ACVR1C: variants seen among roughly 807,000 people sequenced by gnomAD.
The protein encoded by ACVR1C is activin A receptor type 1C.
In ACVR1C, 23 loss-of-function variants were observed where a neutral mutation model predicts 57.9. The ratio of observed to expected loss-of-function variants is 0.40; its 90% CI spans 0.29 to 0.56. ACVR1C has a LOEUF of 0.56. ACVR1C is among the 20% of genes least tolerant of loss of function. The pLI is 0.50. For missense variants in ACVR1C, 480 were observed against 607.9 expected (o/e 0.79, Z 2.21); for synonymous variants, 214 against 215.3 (o/e 0.99, Z 0.05).
At position 157,577,815 on chromosome 2, in the gene ACVR1C, C is replaced by G. The variant is rs892428763; in HGVS notation, c.304+9372G>C. ...TCTTTGTCACATCTTCTGTGTGCTT[C>G]CTTTTCTCTCTTTTCTTGGCTTCTT... On this transcript the variant is annotated intron_variant, in intron 2 of 8. Transcript: ENST00000243349. Among the ~76,000 whole-genome samples, 3 of 151,912 alleles carry G rather than the reference C, an allele frequency of 2.0e-5. No individual in the cohort carries two copies. In the South Asian group the frequency reaches 6.2e-4, roughly 31 times the overall value.
In ACVR1C at chr2:157,628,711, GC is replaced by G. The variant is rs1682963185; in HGVS notation, c.-68del. Reference sequence around the variant, plus strand: ...AGAGCGAGGCAGCCGGGGCAGCACGGCCCGCTTTGAAGTTCCCGGGCCGCGG... The same window carrying G: ...AGAGCGAGGCAGCCGGGGCAGCACGGCCGCTTTGAAGTTCCCGGGCCGCGG... On this transcript the variant is annotated 5_prime_UTR_variant, in exon 1 of 9. Transcript: ENST00000243349. 1 of 1,378,142 alleles carries G rather than the reference GC, an allele frequency of 7.3e-7. No homozygotes were observed. Among genetic ancestry groups the G allele is most frequent in the African/African-American group, 1.5e-5 (1 of 65,278 alleles). 85.4% of individuals were successfully genotyped at this position (1,378,142 alleles called of 1,614,324 possible).
At chr2:157,576,587 T>C (rs917120455) in intron 2 of ACVR1C, among the ~76,000 whole-genome samples, 1 of 152,208 alleles carries the variant, frequency 6.6e-6, no homozygotes, top group East Asian at 1.9e-4. Context: ...AAACTTGAAC[T>C]ATGGCTCCCA....
intron 2 of ACVR1C, among the ~76,000 whole-genome samples, chr2:157,585,928 G>T (rs981727780): frequency 6.6e-6 from 1 of 152,130 alleles, no homozygotes; most frequent in South Asian, 2.1e-4. Flanking sequence ...TGTTTCCAAG[G>T]TTGGGACAAG....
rs762283430 is a variant in ACVR1C, at chr2:157,538,638, T to C, written c.1291A>G (p.Met431Val). The C allele has an allele frequency of 6.3e-7, 1 of 1,586,482 alleles. No homozygotes were observed. Among genetic ancestry groups the C allele is most frequent in the Non-Finnish European group, 8.6e-7 (1 of 1,166,786 alleles). Reference protein sequence around the residue: ...MVPSDPSIEEMRKVVCDQKFR... With the variant: ...MVPSDPSIEEVRKVVCDQKFR... ...TTCTGGTCACAAACAACCTTTCTCA[T>C]TTCCTCTATCGAGGGATCTGAAGGC... is the stretch of plus-strand genomic sequence containing the variant. The change falls in exon 8 of 9, where the codon ATG becomes GTG. Residue 431 changes from methionine (M) to valine (V), a missense_variant. Coordinates refer to ENST00000243349, the MANE Select transcript of ACVR1C (RefSeq NM_145259.3).
intron 1 of ACVR1C, among the ~76,000 whole-genome samples, chr2:157,627,043 C>T (rs965671524): frequency 3.9e-5 from 6 of 152,206 alleles, no homozygotes; most frequent in African/African-American, 1.2e-4. Context: ...TCTAAAGATT[C>T]TGGGTATACA....
chr2:157,561,199 A>C (rs1397484563), intron 2 of ACVR1C, among the ~76,000 whole-genome samples: 1 of 152,192 alleles, frequency 6.6e-6, no homozygotes, highest in East Asian at 1.9e-4. Context: ...TCCTTTTATT[A>C]ATAGTTTTTC....
intron 1 of ACVR1C, among the ~76,000 whole-genome samples, chr2:157,589,876 T>C (rs1689023407): frequency 6.6e-6 from 1 of 151,778 alleles, no homozygotes; most frequent in Non-Finnish European, 1.5e-5. Context: ...GAAATAAAGC[T>C]ACATACTTAC....
At chr2:157,602,478 A>C (rs1050230158) in intron 1 of ACVR1C, among the ~76,000 whole-genome samples, 15 of 152,210 alleles carry the variant, frequency 9.9e-5, no homozygotes, top group Non-Finnish European at 2.2e-4. Flanking sequence ...AGTTGGTACA[A>C]ACTTTTAGAT....
intron 2 of ACVR1C, among the ~76,000 whole-genome samples, chr2:157,573,448 G>A (rs1688571563): frequency 6.6e-6 from 1 of 152,030 alleles, no homozygotes; most frequent in Non-Finnish European, 1.5e-5. Context: ...TTGAAATCTG[G>A]AGGGAAAAAT....
At chr2:157,588,135 T>A (rs533471943) in intron 1 of ACVR1C, among the ~76,000 whole-genome samples, 1 of 152,040 alleles carries the variant, frequency 6.6e-6, no homozygotes, top group African/African-American at 2.4e-5. Flanking sequence ...GGCAAATCAA[T>A]AATAGAATTT....
At chr2:157,572,549 A>C (rs961563705) in intron 2 of ACVR1C, among the ~76,000 whole-genome samples, 2 of 152,152 alleles carry the variant, frequency 1.3e-5, no homozygotes, top group Non-Finnish European at 2.9e-5. Flanking sequence ...CCTCAAAAAT[A>C]TTTGAGTAAA....
At chr2:157,546,545 G>T (rs1423854375) in intron 4 of ACVR1C, among the ~76,000 whole-genome samples, 14 of 151,982 alleles carry the variant, frequency 9.2e-5, no homozygotes, top group Non-Finnish European at 1.9e-4. Context: ...TAGATAATTT[G>T]TCTTAACCCT....
chr2:157,573,662 G>C (rs1688578289), intron 2 of ACVR1C, among the ~76,000 whole-genome samples: 1 of 151,990 alleles, frequency 6.6e-6, no homozygotes, highest in South Asian at 2.1e-4. Flanking sequence ...CTCTAGCCCA[G>C]GCTTCCTGAT....
At chr2:157,596,948 T>TGAGCTGC (rs1244744377) in intron 1 of ACVR1C, among the ~76,000 whole-genome samples, 2 of 152,004 alleles carry the variant, frequency 1.3e-5, no homozygotes, top group Non-Finnish European at 2.9e-5. Flanking sequence ...GTAGGAGCTG[T>TGAGCTGC]GAGCTGCGTT....
chr2:157,622,347 A>G (rs1682798064), intron 1 of ACVR1C, among the ~76,000 whole-genome samples: 1 of 152,240 alleles, frequency 6.6e-6, no homozygotes. Context: ...GAAGAATCCC[A>G]TTATCTGACT....
intron 2 of ACVR1C, among the ~76,000 whole-genome samples, chr2:157,580,452 T>A (rs1688763210): frequency 6.6e-6 from 1 of 152,230 alleles, no homozygotes; most frequent in Non-Finnish European, 1.5e-5. Flanking sequence ...TGTGGTACAG[T>A]CTTGTTTTCT....
intron 1 of ACVR1C, among the ~76,000 whole-genome samples, chr2:157,607,459 T>C (rs149479187): frequency 5.3e-4 from 81 of 151,840 alleles, no homozygotes; most frequent in African/African-American, 1.9e-3. Flanking sequence ...GGGCTCTTTT[T>C]TGATTCCATA....
intron 1 of ACVR1C, among the ~76,000 whole-genome samples, chr2:157,625,703 C>T (rs1339055784): frequency 3.3e-5 from 5 of 152,094 alleles, no homozygotes; most frequent in Admixed American, 2.6e-4. Context: ...TTTGGAGTAA[C>T]AACATAGGGC....
At chr2:157,593,338 A>C (rs1347362771) in intron 1 of ACVR1C, among the ~76,000 whole-genome samples, 1 of 152,202 alleles carries the variant, frequency 6.6e-6, no homozygotes, top group Non-Finnish European at 1.5e-5. Flanking sequence ...CAGTATTCTC[A>C]ATATGTTGGT....
Sources: allele counts gnomAD v4.1 joint callset (sites outside exome capture counted in the v4.1 genomes callset), GRCh38; gene constraint gnomAD v4.1.1; transcripts MANE v1.5; gene names NCBI Gene and HGNC (gene_info 2026-07-23, HGNC 2026-07-21).